RER1: variants seen among roughly 807,000 people sequenced by gnomAD.
RER1 encodes protein RER1.
A neutral mutation model predicts 28.3 loss-of-function variants in RER1; 6 were observed. The ratio of observed to expected loss-of-function variants is 0.21; its 90% CI spans 0.12 to 0.42. The LOEUF is 0.42. Ranked by LOEUF, RER1 falls within the 10% of genes least tolerant of loss-of-function variation. The probability of loss-of-function intolerance (pLI) is 1.00; values close to 1 mark genes in which losing one functional copy is unlikely to be tolerated. For synonymous variants in RER1, 110 were observed against 95.9 expected, an observed-to-expected ratio of 1.15 and a Z score of -0.86; for missense variants, 159 against 252.9, an observed-to-expected ratio of 0.63 and a Z score of 2.52.
intron 2 of RER1, 43 bp downstream of exon 2, chr1:2,395,914 G>C: frequency 2.8e-6 from 4 of 1,415,692 alleles, no homozygotes; most frequent in Non-Finnish European, 4.0e-6. Flanking sequence ...ATTTGAAAAA[G>C]AAACGGGACT....
intron 6 of RER1, among the ~76,000 whole-genome samples, chr1:2,402,810 C>T (rs889962300): frequency 2.5e-4 from 38 of 152,182 alleles, no homozygotes; most frequent in African/African-American, 7.5e-4. Context: ...CCTTCCTCCA[C>T]GGGAGGCTCA....
intron 2 of RER1, chr1:2,396,199 A>G: frequency 3.1e-6 from 1 of 318,716 alleles, no homozygotes; most frequent in Non-Finnish European, 6.1e-6. Context: ...TCCCTCTCCC[A>G]GCCACCCACG....
In RER1 at chr1:2,404,407, T is replaced by C. The variant is rs1642927807; in HGVS notation, c.*1283T>C. 6.6e-6 allele frequency: 1 copy of C among 152,270 alleles called. No homozygotes were observed. The highest frequency in any genetic ancestry group is 6.5e-5 in the Admixed American group (1 of 15,286). The allele number at this position is 152,270 out of a possible 1,614,324, so 9.4% of individuals were successfully genotyped here. A position where few individuals can be genotyped will look rare whatever the true frequency, so the allele number is the denominator to read the frequency against. ...GAGTGTTTGTCATTTTTCATACTGT[T>C]TTCTTAATAAGCGCTCAGGCCTAAG... On this transcript the variant is annotated 3_prime_UTR_variant, in exon 7 of 7. Transcript: ENST00000605895.
Position 2,404,656 on chromosome 1 carries a change from A to C in RER1, c.*1532A>C, listed in dbSNP as rs1215347336. On this transcript the variant is annotated 3_prime_UTR_variant, in exon 7 of 7. Coordinates refer to ENST00000605895, the MANE Select transcript of RER1 (RefSeq NM_007033.5). Reference sequence around the variant, plus strand: ...ACAGGGTCATCCTCATTCCTAAGTAAGTCAAACAGCAAGACATGGTTTGCG... The same window carrying C: ...ACAGGGTCATCCTCATTCCTAAGTACGTCAAACAGCAAGACATGGTTTGCG... 6.6e-6 allele frequency: 1 copy of C among 152,252 alleles called. No homozygotes were observed. The highest frequency in any genetic ancestry group is 2.4e-5 in the African/African-American group (1 of 41,450). 9.4% of individuals were successfully genotyped at this position (152,252 alleles called of 1,614,324 possible).
intron 4 of RER1, 135 bp downstream of exon 4, chr1:2,399,649 A>G: frequency 1.6e-6 from 1 of 644,826 alleles, no homozygotes; most frequent in South Asian, 1.8e-5. Context: ...TTGGGTGATC[A>G]GGATATGTTT....
intron 4 of RER1, among the ~76,000 whole-genome samples, chr1:2,399,738 CTG>C (rs1477352711): frequency 6.6e-6 from 1 of 152,196 alleles, no homozygotes; most frequent in African/African-American, 2.4e-5. Context: ...GATGAGGAAA[CTG>C]AGGCATACAG....
chr1:2,403,284 G>GA lies in RER1; in HGVS notation c.*163dup. 3 of 602,476 alleles carry GA rather than the reference G, an allele frequency of 5.0e-6. No homozygotes were observed. The highest frequency in any genetic ancestry group is 9.0e-6 in the Non-Finnish European group (3 of 334,426). The allele number at this position is 602,476 out of a possible 1,614,324, so 37.3% of individuals were successfully genotyped here. On this transcript the variant is annotated 3_prime_UTR_variant, in exon 7 of 7. Coordinates refer to ENST00000605895, the MANE Select transcript of RER1 (RefSeq NM_007033.5). ...GTAACTGAAATATCAGGTTCTAGAA[G>GA]AAACTGGCGCTTAAACCAAATCGCA...
At chr1:2,396,619 G>A (rs1368834708) in intron 2 of RER1, among the ~76,000 whole-genome samples, 3 of 152,178 alleles carry the variant, frequency 2.0e-5, no homozygotes, top group Admixed American at 6.5e-5. Context: ...GGGCTCCTTC[G>A]GTCATGTCCA....
intron 2 of RER1, chr1:2,396,238 C>T (rs555538001): frequency 2.3e-4 from 64 of 275,228 alleles, no homozygotes; most frequent in Non-Finnish European, 4.0e-4. Flanking sequence ...CCACCTGCCC[C>T]GTGTCAGCTC....
At chr1:2,397,272 G>T (rs776636189) in intron 3 of RER1, 52 bp downstream of exon 3, 2 of 1,226,298 alleles carry the variant, frequency 1.6e-6, no homozygotes, top group East Asian at 2.3e-5. Context: ...TTACCTGGGC[G>T]TGATGTTTGT....
chr1:2,400,294 G>T lies in RER1; in HGVS notation c.287-563G>T, dbSNP rs566478329. Among the ~76,000 whole-genome samples, 24 of 152,384 alleles carry T rather than the reference G, an allele frequency of 1.6e-4. 1 individual carries two copies. The South Asian group carries it at 5.0e-3, about 32-fold the overall frequency. ...GAGTCTTCTGTGTAGGATATGTGAT[G>T]AAAAGATTGCTGGGAACACAGCCCC... On this transcript the variant is annotated intron_variant, in intron 4 of 6. Coordinates refer to ENST00000605895, the MANE Select transcript of RER1 (RefSeq NM_007033.5).
chr1:2,400,710 C>G, intron 4 of RER1, 147 bp from the exon 5 acceptor site: 1 of 706,826 alleles, frequency 1.4e-6, no homozygotes, highest in Non-Finnish European at 2.5e-6. Context: ...GACCACAGAC[C>G]CCCGTTTTCT....
intron 5 of RER1, 126 bp downstream of exon 5, chr1:2,401,061 G>A (rs777310477): frequency 7.7e-6 from 6 of 777,470 alleles, no homozygotes; most frequent in East Asian, 2.6e-5. Context: ...ACGGGGAATC[G>A]CAGGGGCTCT....
At chr1:2,401,379 T>TCCC (rs1642857430) in intron 5 of RER1, among the ~76,000 whole-genome samples, 2 of 4,480 alleles carry the variant, frequency 4.5e-4, no homozygotes, top group Non-Finnish European at 4.8e-4. Context: ...CCTTCCTCCC[T>TCCC]CCTCCTCCCT....
At chr1:2,395,645 C>G in intron 1 of RER1, 139 bp from the exon 2 acceptor site, 1 of 680,296 alleles carries the variant, frequency 1.5e-6, no homozygotes, top group Non-Finnish European at 2.6e-6. Context: ...CCGAACAATT[C>G]ATGGTAAAAA....
rs747090636 is a variant in RER1, at chr1:2,403,154, C to G, written c.*30C>G. 1.3e-6 allele frequency: 2 copies of G among 1,562,448 alleles called. No homozygotes were observed. Among genetic ancestry groups the G allele is most frequent in the Admixed American group, 1.7e-5 (1 of 59,940 alleles). ...GGGACTGAGGCTGCCTCACGTGTTG[C>G]AAGAACAGTTTTGAGCCATTGTTAA... On this transcript the variant is annotated 3_prime_UTR_variant, in exon 7 of 7. Transcript: ENST00000605895.
chr1:2,393,488 A>C (rs1324263782), intron 1 of RER1, among the ~76,000 whole-genome samples: 3 of 152,188 alleles, frequency 2.0e-5, no homozygotes, highest in African/African-American at 7.2e-5. Flanking sequence ...AGGACTGCAG[A>C]GGGGGCAGCT....
intron 3 of RER1, among the ~76,000 whole-genome samples, chr1:2,397,430 C>T (rs918881092): frequency 3.3e-5 from 5 of 152,328 alleles, no homozygotes; most frequent in Admixed American, 3.3e-4. Context: ...CGCCAGGCTT[C>T]TCAGTATACC....
chr1:2,395,993 A>T (rs1162663404), intron 2 of RER1, 122 bp downstream of exon 2: 4 of 776,006 alleles, frequency 5.2e-6, no homozygotes, highest in Non-Finnish European at 9.0e-6. Context: ...CTCAGGCTCA[A>T]ACTTCCTGAA....
Sources: gnomAD v4.1 joint callset for allele counts (sites outside exome capture counted in the v4.1 genomes callset) on GRCh38, gnomAD v4.1.1 for gene constraint, MANE v1.5 for transcripts, NCBI Gene and HGNC (gene_info 2026-07-23, HGNC 2026-07-21) for gene names.